RBFOX1: variants seen among roughly 807,000 people sequenced by gnomAD.
RBFOX1 encodes the protein RNA binding protein fox-1 homolog 1.
A neutral mutation model predicts 57.7 loss-of-function variants in RBFOX1; 8 were observed. That is an observed-to-expected ratio of 0.14 (90% CI 0.08 to 0.25). RBFOX1 has a LOEUF of 0.25. Among genes scored for constraint, RBFOX1 ranks in the 10% least tolerant of loss-of-function variants. RBFOX1 has a pLI of 1.00. For synonymous variants in RBFOX1, 326 were observed against 222.4 expected (o/e 1.47, Z -4.15); for missense variants, 611 against 548.5 (o/e 1.11, Z -1.14).
intron 2 of RBFOX1, among the ~76,000 whole-genome samples, chr16:5,507,349 C>T (rs1057318937): frequency 6.6e-6 from 1 of 151,994 alleles, no homozygotes; most frequent in Non-Finnish European, 1.5e-5. Flanking sequence ...AAGCTCCATG[C>T]GAGGAGGGAT....
intron 3 of RBFOX1, among the ~76,000 whole-genome samples, chr16:6,975,205 C>G (rs1400250671): frequency 1.3e-5 from 2 of 152,042 alleles, no homozygotes; most frequent in African/African-American, 4.8e-5. Flanking sequence ...AAGCATCTGC[C>G]CGACGCACAG....
chr16:6,533,284 T>G (rs2096685935), intron 2 of RBFOX1, among the ~76,000 whole-genome samples: 1 of 152,210 alleles, frequency 6.6e-6, no homozygotes, highest in Admixed American at 6.5e-5. Flanking sequence ...ATAATTTGAT[T>G]TGAATGCTTT....
chr16:6,384,728 G>A (rs1406569481), intron 2 of RBFOX1, among the ~76,000 whole-genome samples: 1 of 152,224 alleles, frequency 6.6e-6, no homozygotes, highest in East Asian at 1.9e-4. Flanking sequence ...ATCTCAGAGT[G>A]TGTGTGGATG....
At chr16:7,352,355 G>C (rs758221822) in intron 4 of RBFOX1, among the ~76,000 whole-genome samples, 1 of 152,192 alleles carries the variant, frequency 6.6e-6, no homozygotes, top group Non-Finnish European at 1.5e-5. Context: ...GGAGAGAACT[G>C]AAGCTATATA....
chr16:6,142,580 C>T (rs2096727473), intron 1 of RBFOX1, among the ~76,000 whole-genome samples: 1 of 152,254 alleles, frequency 6.6e-6, no homozygotes, highest in African/African-American at 2.4e-5. Flanking sequence ...TAGAAGATAA[C>T]TTTCAGGAAG....
intron 4 of RBFOX1, among the ~76,000 whole-genome samples, chr16:7,135,941 C>T (rs2071812974): frequency 6.6e-6 from 1 of 152,192 alleles, no homozygotes; most frequent in South Asian, 2.1e-4. Flanking sequence ...GTTGCCATTT[C>T]ATCGGAAAAT....
intron 10 of RBFOX1, chr16:7,614,610 C>T (rs751011736): frequency 2.6e-5 from 4 of 152,152 alleles, no homozygotes; most frequent in Non-Finnish European, 4.4e-5. Flanking sequence ...TCAAGGTAGT[C>T]CTTGTACAAG....
intron 3 of RBFOX1, among the ~76,000 whole-genome samples, chr16:5,682,527 C>G (rs770454235): frequency 6.6e-6 from 1 of 152,132 alleles, no homozygotes; most frequent in Non-Finnish European, 1.5e-5. Flanking sequence ...ATTTGTTAAT[C>G]CCTGGTTTGT....
At chr16:6,718,999 G>T (rs1568340886) in intron 3 of RBFOX1, among the ~76,000 whole-genome samples, 1 of 151,880 alleles carries the variant, frequency 6.6e-6, no homozygotes, top group South Asian at 2.1e-4. Context: ...AGTAGCTTCT[G>T]GGACTACAGG....
intron 2 of RBFOX1, among the ~76,000 whole-genome samples, chr16:5,546,454 A>G (rs937552810): frequency 2.6e-5 from 4 of 152,218 alleles, no homozygotes; most frequent in East Asian, 1.9e-4. Context: ...ACAGTGTACT[A>G]TTGACATCAA....
At chr16:5,615,046 T>C (rs2047970576) in intron 3 of RBFOX1, among the ~76,000 whole-genome samples, 1 of 152,152 alleles carries the variant, frequency 6.6e-6, no homozygotes, top group Non-Finnish European at 1.5e-5. Context: ...CAGTTTTGTT[T>C]GTTTTTGAGA....
At chr16:6,878,184 A>T (rs192944510) in intron 3 of RBFOX1, among the ~76,000 whole-genome samples, 2 of 152,116 alleles carry the variant, frequency 1.3e-5, no homozygotes, top group Non-Finnish European at 2.9e-5. Flanking sequence ...TCCCCAAGCA[A>T]TATATTGTAT....
chr16:7,023,988 G>A (rs1040990006), intron 3 of RBFOX1, among the ~76,000 whole-genome samples: 2 of 152,110 alleles, frequency 1.3e-5, no homozygotes, highest in East Asian at 1.9e-4. Flanking sequence ...TGATAAGACA[G>A]CCACTTAGGT....
chr16:5,586,545 T>C (rs1183525681), intron 2 of RBFOX1, among the ~76,000 whole-genome samples: 1 of 152,228 alleles, frequency 6.6e-6, no homozygotes, highest in Non-Finnish European at 1.5e-5. Flanking sequence ...TCTCCCAGGC[T>C]GGAGTACAGT....
At chr16:7,284,442 C>T (rs1180796579) in intron 4 of RBFOX1, among the ~76,000 whole-genome samples, 1 of 152,158 alleles carries the variant, frequency 6.6e-6, no homozygotes, top group Non-Finnish European at 1.5e-5. Flanking sequence ...GCAGTCCTCC[C>T]ACCTCAGCCT....
intron 1 of RBFOX1, among the ~76,000 whole-genome samples, chr16:5,345,053 C>A (rs1043061904): frequency 2.6e-5 from 4 of 152,214 alleles, no homozygotes; most frequent in Non-Finnish European, 5.9e-5. Flanking sequence ...TTCCCGTCCT[C>A]CCCCTTTTGT....
chr16:6,780,357 A>T (rs1302453027), intron 3 of RBFOX1, among the ~76,000 whole-genome samples: 1 of 100,146 alleles, frequency 1.0e-5, no homozygotes, highest in Non-Finnish European at 1.7e-5. Flanking sequence ...ATACATATTT[A>T]TATACATATT....
At chr16:7,345,178 A>G (rs915261001) in intron 4 of RBFOX1, among the ~76,000 whole-genome samples, 5 of 152,168 alleles carry the variant, frequency 3.3e-5, no homozygotes, top group Admixed American at 1.3e-4. Context: ...ACCAACACAC[A>G]TTCTCTGTCA....
chr16:6,545,098 T>G (rs1162462610), intron 2 of RBFOX1, among the ~76,000 whole-genome samples: 1 of 152,150 alleles, frequency 6.6e-6, no homozygotes, highest in African/African-American at 2.4e-5. Flanking sequence ...TAACAATGGC[T>G]TTCCTCCAAA....
Sources: allele counts gnomAD v4.1 joint callset (sites outside exome capture counted in the v4.1 genomes callset), GRCh38; gene constraint gnomAD v4.1.1; transcripts MANE v1.5; gene names NCBI Gene and HGNC (gene_info 2026-07-23, HGNC 2026-07-21).